The following CCDC7 variants were observed in gnomAD, a reference collection of about 807,000 sequenced individuals.
CCDC7 encodes the protein coiled-coil domain-containing protein 7.
In CCDC7, 183 loss-of-function variants were observed where a neutral mutation model predicts 196.9. The ratio of observed to expected loss-of-function variants is 0.93; its 90% confidence interval spans 0.82 to 1.05. CCDC7 has a LOEUF of 1.05. Ranked by LOEUF, CCDC7 falls within the 50% of genes least tolerant of loss-of-function variation. The pLI is 0.00. For synonymous variants in CCDC7, 525 were observed against 484.6 expected, an observed-to-expected ratio of 1.08 and a Z score of -1.10; for missense variants, 1,540 against 1,482.2, an observed-to-expected ratio of 1.04 and a Z score of -0.64.
At chr10:32,680,873 A>G (rs1159582476) in intron 21 of CCDC7, among the ~76,000 whole-genome samples, 1 of 152,168 alleles carries the variant, frequency 6.6e-6, no homozygotes, top group African/African-American at 2.4e-5. Context: ...ACTTTTGAAA[A>G]CTGAGAGAAT....
At chr10:32,737,684 C>G (rs2085093391) in intron 28 of CCDC7, among the ~76,000 whole-genome samples, 1 of 152,148 alleles carries the variant, frequency 6.6e-6, no homozygotes. Context: ...GTTTTTGCCT[C>G]ATGAATTTTA....
intron 23 of CCDC7, among the ~76,000 whole-genome samples, chr10:32,693,750 C>T (rs367966812): frequency 6.6e-6 from 1 of 152,294 alleles, no homozygotes; most frequent in South Asian, 2.1e-4. Context: ...CTCCAATTTC[C>T]TCCCACATTC....
intron 28 of CCDC7, among the ~76,000 whole-genome samples, chr10:32,750,268 G>A (rs142840590): frequency 1.3e-5 from 2 of 152,100 alleles, no homozygotes; most frequent in African/African-American, 4.8e-5. Context: ...GCTAGTTATG[G>A]GTATATAAGT....
At chr10:32,859,951 C>A (rs1354918555) in intron 41 of CCDC7, among the ~76,000 whole-genome samples, 1 of 152,096 alleles carries the variant, frequency 6.6e-6, no homozygotes, top group Non-Finnish European at 1.5e-5. Context: ...AGTCCAGGAC[C>A]AGACGGATTC....
intron 9 of CCDC7, among the ~76,000 whole-genome samples, chr10:32,501,886 C>T (rs1400256502): frequency 2.0e-5 from 3 of 152,198 alleles, no homozygotes; most frequent in East Asian, 1.9e-4. Context: ...GAGAACTGCT[C>T]CTCTCTTCGG....
chr10:32,616,982 CTGTT>C (rs35917081), intron 18 of CCDC7, among the ~76,000 whole-genome samples: 51,782 of 151,052 alleles, frequency 0.34, 11,196 homozygotes, highest in Non-Finnish European at 0.49. Flanking sequence ...TATTATTGGT[CTGTT>C]TGAGAGTTTT....
intron 8 of CCDC7, among the ~76,000 whole-genome samples, chr10:32,486,562 C>A (rs1174453055): frequency 3.4e-5 from 1 of 29,700 alleles, no homozygotes; most frequent in Admixed American, 4.9e-4. Flanking sequence ...GGTTATTTTG[C>A]TCATTAGTTG....
At chr10:32,579,532 G>A (rs546118018) in intron 16 of CCDC7, among the ~76,000 whole-genome samples, 1 of 152,232 alleles carries the variant, frequency 6.6e-6, no homozygotes, top group South Asian at 2.1e-4. Context: ...AAAAATAGTA[G>A]CCTTGTGTGT....
At chr10:32,697,626 G>A (rs1174479806) in intron 24 of CCDC7, among the ~76,000 whole-genome samples, 3 of 152,156 alleles carry the variant, frequency 2.0e-5, no homozygotes, top group African/African-American at 7.2e-5. Context: ...TGGGGGAGGG[G>A]CATCTGCCAT....
intron 21 of CCDC7, among the ~76,000 whole-genome samples, chr10:32,678,485 G>T (rs1054776028): frequency 1.9e-4 from 29 of 152,178 alleles, no homozygotes; most frequent in Non-Finnish European, 3.8e-4. Flanking sequence ...CTCAGGGTTT[G>T]TGGGCAAGCC....
intron 31 of CCDC7, among the ~76,000 whole-genome samples, chr10:32,819,336 C>CA (rs763381734): frequency 2.6e-5 from 4 of 152,088 alleles, no homozygotes; most frequent in Admixed American, 2.0e-4. Flanking sequence ...GCTTACCAAC[C>CA]AAAAAAAGTC....
chr10:32,648,454 T>A (rs946726980), intron 20 of CCDC7, among the ~76,000 whole-genome samples: 2 of 152,194 alleles, frequency 1.3e-5, no homozygotes, highest in Admixed American at 1.3e-4. Flanking sequence ...TAGTAAATAG[T>A]GCTGCAACAA....
At chr10:32,828,299 C>G (rs935535947) in intron 32 of CCDC7, among the ~76,000 whole-genome samples, 1 of 151,778 alleles carries the variant, frequency 6.6e-6, no homozygotes. Context: ...ATTCAATTAC[C>G]TTGTGCATAC....
exon 12 of CCDC7, chr10:32,543,362 A>G: frequency 7.0e-7 from 1 of 1,434,510 alleles, no homozygotes; most frequent in Non-Finnish European, 9.4e-7. Context: ...AAAAAGACAA[A>G]GGAAAATCTG....
intron 25 of CCDC7, among the ~76,000 whole-genome samples, chr10:32,721,137 A>G (rs890197070): frequency 3.9e-5 from 6 of 152,116 alleles, no homozygotes; most frequent in Non-Finnish European, 4.4e-5. Context: ...CTAATATGTA[A>G]ATACCCCAAG....
At chr10:32,461,575 A>G (rs1398187351) in intron 3 of CCDC7, among the ~76,000 whole-genome samples, 1 of 151,226 alleles carries the variant, frequency 6.6e-6, no homozygotes, top group African/African-American at 2.4e-5. Flanking sequence ...GCAGGAACAG[A>G]GTTGTATTGA....
At chr10:32,556,107 A>G (rs1278105629) in intron 13 of CCDC7, among the ~76,000 whole-genome samples, 1 of 152,164 alleles carries the variant, frequency 6.6e-6, no homozygotes, top group East Asian at 1.9e-4. Flanking sequence ...GAGGAAATAG[A>G]TTGTACCTTT....
intron 21 of CCDC7, among the ~76,000 whole-genome samples, chr10:32,668,109 G>A (rs2073219754): frequency 6.6e-6 from 1 of 151,958 alleles, no homozygotes; most frequent in Non-Finnish European, 1.5e-5. Context: ...GGATTCCCAG[G>A]TGTTTTATTC....
At chr10:32,811,932 C>T (rs757654214) in intron 30 of CCDC7, among the ~76,000 whole-genome samples, 1 of 151,924 alleles carries the variant, frequency 6.6e-6, no homozygotes, top group Non-Finnish European at 1.5e-5. Flanking sequence ...AATCAATAAA[C>T]AAGGTAGATC....
Sources: gnomAD v4.1 joint callset for allele counts (sites outside exome capture counted in the v4.1 genomes callset) on GRCh38, gnomAD v4.1.1 for gene constraint, MANE v1.5 for transcripts, NCBI Gene and HGNC (gene_info 2026-07-23, HGNC 2026-07-21) for gene names.